Variants in POLR1B observed in about 807,000 individuals in gnomAD.
The protein encoded by POLR1B is DNA-directed RNA polymerase I subunit RPA2.
In POLR1B, 30 loss-of-function variants were observed where a neutral mutation model predicts 105.8. The ratio of observed to expected loss-of-function variants is 0.28; its 90% CI spans 0.21 to 0.38. POLR1B has a LOEUF of 0.38. POLR1B is among the 10% of genes least tolerant of loss of function. The pLI is 1.00. For missense variants in POLR1B, 976 were observed against 1,435.8 expected (o/e 0.68, Z 5.17); for synonymous variants, 485 against 505.1 (o/e 0.96, Z 0.53).
rs749138017 is a variant in POLR1B, at chr2:112,542,493, A to C, written c.-2A>C. Reference sequence around the variant, plus strand: ...ACTGGCGTCCGGTGTGCAGGTGGCCACATGGATCCTGGCAGCCGGTGGCGG... The same window carrying C: ...ACTGGCGTCCGGTGTGCAGGTGGCCCCATGGATCCTGGCAGCCGGTGGCGG... On this transcript the variant is annotated 5_prime_UTR_variant, in exon 1 of 15. Transcript: ENST00000263331. 6.2e-6 allele frequency: 10 copies of C among 1,613,702 alleles called. No individual in the cohort carries two copies. The highest frequency in any genetic ancestry group is 7.6e-6 in the Non-Finnish European group (9 of 1,180,026).
At position 112,568,078 on chromosome 2, in the gene POLR1B, G is replaced by C. The variant is rs199933309; in HGVS notation, c.1858G>C (p.Val620Leu). ...LFLFTTPCRL[V>L]RPVQNLALGK... ...CCTTTTTACCACTCCTTGTAGACTG[G>C]TACGGCCTGTGCAGAACTTAGCATT... The change falls in exon 11 of 15, where the codon GTA becomes CTA. Residue 620 changes from valine to leucine, a missense_variant. Around this residue, in one of 12 missense-constraint regions of POLR1B, gnomAD observed 184 missense variants for 197.4 expected, o/e 0.93. Transcript: ENST00000263331. 3.7e-6 allele frequency: 6 copies of C among 1,614,166 alleles called. No homozygotes were observed. Among genetic ancestry groups the C allele is most frequent in the Non-Finnish European group, 5.1e-6 (6 of 1,180,024 alleles).
chr2:112,542,038 C>G (rs1310757205), upstream of POLR1B: 3 of 1,456,260 alleles, frequency 2.1e-6, no homozygotes, highest in Non-Finnish European at 1.9e-6. Flanking sequence ...GAAGCAACGA[C>G]TTTGGCCGGA....
At position 112,558,012 on chromosome 2, in the gene POLR1B, A is replaced by T. The variant is rs1290143186; in HGVS notation, c.1261A>T (p.Thr421Ser). ...MNTDNLMRIF[T>S]MGIDLTKPFE... ...CACTGACAATTTGATGAGGATTTTT[A>T]CAATGGGCATAGACCTTACAAAACC... The change falls in exon 8 of 15, where the codon ACA becomes TCA. Residue 421 changes from threonine (T) to serine (S), a missense_variant. Thr to Ser is a moderately conservative substitution (Grantham distance 58). Around this residue, in one of 12 missense-constraint regions of POLR1B, gnomAD observed 452 missense variants for 616.5 expected, o/e 0.73. Coordinates refer to ENST00000263331, the MANE Select transcript of POLR1B (RefSeq NM_019014.6). 7.0e-7 allele frequency: 1 copy of T among 1,430,842 alleles called. No homozygotes were observed. The highest frequency in any genetic ancestry group is 9.3e-7 in the Non-Finnish European group (1 of 1,079,806). The allele number at this position is 1,430,842 out of a possible 1,614,324, so 88.6% of individuals were successfully genotyped here.
In POLR1B at chr2:112,575,515, C is replaced by T. The variant is rs1684820657; in HGVS notation, c.3194C>T (p.Ser1065Leu). Reference protein sequence around the residue: ...HDRLFNCSDRSVAHVCVKCGS... With the variant: ...HDRLFNCSDRLVAHVCVKCGS... ...CGCCTCTTCAACTGCTCAGATCGGT[C>T]GGTAGCCCATGTGTGTGTGAAGTGT... Residue 1065 changes from serine (S) to leucine (L), a missense_variant, in exon 15 of 15, where the codon TCG (serine) becomes TTG (leucine). Around this residue, in one of 12 missense-constraint regions of POLR1B, gnomAD observed 77 missense variants for 104.5 expected, o/e 0.74. Transcript: ENST00000263331. This position sits in a 1 kb window ranked among gnomAD's most constrained non-coding sequence, Gnocchi z 5.3. 3 of 1,614,020 alleles carry T rather than the reference C, an allele frequency of 1.9e-6. No individual in the cohort carries two copies. Among genetic ancestry groups the T allele is most frequent in the East Asian group, 2.2e-5 (1 of 44,890 alleles).
intron 7 of POLR1B, chr2:112,554,607 A>G (rs199915045): frequency 6.7e-6 from 1 of 148,922 alleles, no homozygotes; most frequent in Non-Finnish European, 1.5e-5. Context: ...ATTTAATGTT[A>G]TTAAATTAAC....
chr2:112,558,867 C>T (rs1239193316), intron 8 of POLR1B, among the ~76,000 whole-genome samples: 1 of 151,406 alleles, frequency 6.6e-6, no homozygotes, highest in East Asian at 2.0e-4. Context: ...GAACCACCCA[C>T]CTTGGCCTCC....
rs1382261077 is a variant in POLR1B, at chr2:112,578,611, G to A, written c.*2882G>A. 6.6e-6 allele frequency among the ~76,000 whole-genome samples: 1 copy of A among 151,992 alleles called. No individual in the cohort carries two copies. Among genetic ancestry groups the A allele is most frequent in the East Asian group, 1.9e-4 (1 of 5,184 alleles). On this transcript the variant is annotated 3_prime_UTR_variant, in exon 15 of 15. Transcript: ENST00000263331. ...CATTTTGGTTGTTTCCAGTTTGGGGGCATTAACAATAAAGCTGATCTGAAC... is the reference window on the plus strand; with the variant it reads ...CATTTTGGTTGTTTCCAGTTTGGGGACATTAACAATAAAGCTGATCTGAAC...
At chr2:112,568,541 G>A (rs1558664201) in intron 11 of POLR1B, among the ~76,000 whole-genome samples, 1 of 152,156 alleles carries the variant, frequency 6.6e-6, no homozygotes, top group African/African-American at 2.4e-5. Flanking sequence ...ATTGGTCTGG[G>A]GTAGTTTTAG....
At chr2:112,548,803 G>A (rs1230736966) in intron 3 of POLR1B, among the ~76,000 whole-genome samples, 4 of 152,020 alleles carry the variant, frequency 2.6e-5, no homozygotes, top group Non-Finnish European at 4.4e-5. Flanking sequence ...TAGTAGAGAC[G>A]GGGTTTCACC....
At position 112,559,445 on chromosome 2, in the gene POLR1B, G is replaced by A; in HGVS notation, c.1483G>A (p.Gly495Ser). 1.1e-5 allele frequency: 17 copies of A among 1,614,194 alleles called. No individual in the cohort carries two copies. The highest frequency in any genetic ancestry group is 1.4e-5 in the Non-Finnish European group (17 of 1,180,044). Residue 495 changes from glycine to serine, a missense_variant, in exon 9 of 15, where the codon GGC becomes AGC. Gly to Ser is a moderately conservative substitution (Grantham distance 56, BLOSUM62 0). Around this residue, in one of 12 missense-constraint regions of POLR1B, gnomAD observed 452 missense variants for 616.5 expected, o/e 0.73. Coordinates refer to ENST00000263331, the MANE Select transcript of POLR1B (RefSeq NM_019014.6). ...ACGCAGGCTGCTGCCAGAGTCCTGG[G>A]GCTTCCTTTGTCCCGTGCATACCCC... Reference protein sequence around the residue: ...TVRRLLPESWGFLCPVHTPDG... With the variant: ...TVRRLLPESWSFLCPVHTPDG...
intron 14 of POLR1B, 27 bp from the exon 15 acceptor site, chr2:112,574,820 G>T: frequency 6.4e-7 from 1 of 1,559,740 alleles, no homozygotes; most frequent in South Asian, 1.2e-5. Context: ...CAAATAGGTT[G>T]ACCTTATATG....
At chr2:112,569,248 A>G (rs529489671) in intron 12 of POLR1B, among the ~76,000 whole-genome samples, 1 of 152,304 alleles carries the variant, frequency 6.6e-6, no homozygotes, top group Non-Finnish European at 1.5e-5. Context: ...AGTCACCCGC[A>G]TATTTATCAC....
At chr2:112,559,926 G>A (rs767058670) in intron 9 of POLR1B, among the ~76,000 whole-genome samples, 12 of 152,074 alleles carry the variant, frequency 7.9e-5, no homozygotes, top group Non-Finnish European at 1.6e-4. Flanking sequence ...CACCGCGCCC[G>A]GCCAAGGTTA....
At position 112,547,021 on chromosome 2, in the gene POLR1B, C is replaced by T. The variant is rs768264343; in HGVS notation, c.187C>T (p.Pro63Ser). The change falls in exon 2 of 15, where the codon CCC becomes TCC. Residue 63 changes from proline (P) to serine (S), a missense_variant. By Grantham distance (74) the Pro-to-Ser change is moderately conservative (BLOSUM62 -1). Transcript: ENST00000263331. ...GTGAATTGCATTTCAGGCTATACCT[C>T]CCTTTGAATTTGCTTTCAAAGATGA... ...GLGLAVQAIP[P>S]FEFAFKDERI... 1 of 1,614,130 alleles carries T rather than the reference C, an allele frequency of 6.2e-7. No individual in the cohort carries two copies. The highest frequency in any genetic ancestry group is 2.2e-5 in the East Asian group (1 of 44,888).
intron 7 of POLR1B, chr2:112,553,594 A>G (rs911758721): frequency 1.1e-4 from 16 of 152,026 alleles, no homozygotes; most frequent in African/African-American, 3.9e-4. Flanking sequence ...GATTGGAGAC[A>G]TGAGCCACTG....
At chr2:112,558,290 C>G (rs565573824) in intron 8 of POLR1B, among the ~76,000 whole-genome samples, 1 of 152,300 alleles carries the variant, frequency 6.6e-6, no homozygotes, top group South Asian at 2.1e-4. Flanking sequence ...TACATTTTCT[C>G]TGCTTCCTTC....
At position 112,575,652 on chromosome 2, in the gene POLR1B, T is replaced by G. The variant is rs1438408551; in HGVS notation, c.3331T>G (p.Ser1111Ala). 9 of 1,614,144 alleles carry G rather than the reference T, an allele frequency of 5.6e-6. No individual in the cohort carries two copies. The highest frequency in any genetic ancestry group is 7.6e-6 in the Non-Finnish European group (9 of 1,180,026). The change falls in exon 15 of 15, where the codon TCT becomes GCT. Residue 1111 changes from serine (S) to alanine (A), a missense_variant. Transcript: ENST00000263331. The surrounding 1 kb of genome is among the most constrained non-coding windows in gnomAD (Gnocchi z 5.3). ...CSRSDTIDTVSVPYVFRYFVA... is the reference protein window; with the variant it reads ...CSRSDTIDTVAVPYVFRYFVA... ...TCGCAGTGACACTATCGATACTGTT[T>G]CTGTGCCTTATGTTTTTCGGTATTT...
At position 112,572,675 on chromosome 2, in the gene POLR1B, T is replaced by G; in HGVS notation, c.2188T>G (p.Tyr730Asp). Residue 730 changes from tyrosine to aspartate, a missense_variant, in exon 13 of 15, where the codon TAT (tyrosine) becomes GAT (aspartate). Tyr to Asp is a radical substitution (Grantham distance 160). Around this residue, in one of 12 missense-constraint regions of POLR1B, gnomAD observed 46 missense variants for 66.8 expected, o/e 0.69. Transcript: ENST00000263331. ...GGTGAGACCCTCCATGTATGATTAT[T>G]ATGACATGGATAACTATCCAATTGG... The part of the protein sequence containing the change: ...PLVRPSMYDY[Y>D]DMDNYPIGTN... The G allele has an allele frequency of 6.2e-7, 1 of 1,613,634 alleles. No individual in the cohort carries two copies. Among genetic ancestry groups the G allele is most frequent in the Non-Finnish European group, 8.5e-7 (1 of 1,179,754 alleles).
Position 112,550,904 on chromosome 2 carries a change from G to A in POLR1B, c.664G>A (p.Val222Ile), listed in dbSNP as rs755106487. The A allele has an allele frequency of 3.2e-5, 52 of 1,613,952 alleles. No individual in the cohort carries two copies. Among genetic ancestry groups the A allele is most frequent in the Admixed American group, 5.0e-5 (3 of 60,010 alleles). The change falls in exon 5 of 15, where the codon GTC becomes ATC. Residue 222 changes from valine to isoleucine, a missense_variant. Transcript: ENST00000263331. Reference protein sequence around the residue: ...MHCVREEHSAVNMNLHYLENG... With the variant: ...MHCVREEHSAINMNLHYLENG... ...CTGTGTGAGGGAAGAACATTCCGCT[G>A]TCAATATGAACCTCCACTACTTGGA... is the stretch of plus-strand genomic sequence containing the variant.
Sources: gnomAD v4.1 joint callset for allele counts (sites outside exome capture counted in the v4.1 genomes callset) on GRCh38, gnomAD v4.1.1 for gene constraint, gnomAD v4.1.1 regional missense constraint, Gnocchi (gnomAD v3.1) non-coding constraint, MANE v1.5 for transcripts, NCBI Gene and HGNC (gene_info 2026-07-23, HGNC 2026-07-21) for gene names.